Variants in ELF4 observed in about 807,000 individuals in gnomAD.
ELF4 encodes the protein ETS-related transcription factor Elf-4.
A neutral mutation model predicts 31.7 loss-of-function variants in ELF4; 10 were observed. The observed-to-expected ratio is 0.32, with a 90% CI of 0.19 to 0.54. ELF4 has a LOEUF of 0.54. Among genes scored for constraint, ELF4 ranks in the 20% least tolerant of loss-of-function variants. The pLI, the probability that ELF4 is intolerant of heterozygous loss-of-function variation, is 0.95. For missense variants in ELF4, 418 were observed against 522.0 expected (o/e 0.80, Z 1.94); for synonymous variants, 208 against 226.7 (o/e 0.92, Z 0.74).
At chrX:130,078,097 G>C (rs1932850331) in intron 2 of ELF4, among the ~76,000 whole-genome samples, 2 of 89,422 alleles carry the variant, frequency 2.2e-5, no homozygotes, top group Admixed American at 1.3e-4. Context: ...GCCCAGGGTG[G>C]AGTGCAATGG....
chrX:130,066,946 G>A lies in ELF4; in HGVS notation c.1767C>T (p.His589=), dbSNP rs1932686929. The change falls in exon 9 of 9, where the codon CAC becomes CAT. Residue 589 remains histidine (H), a synonymous_variant. Transcript: ENST00000308167. ...TCTGGTTGCCCAGAAGGCTCGGATT[G>A]TGGGAACCCCTGGAAACCACCTGGG... ...LPTQVVSRGS[H]NPSLLGNQTL... The A allele has an allele frequency of 2.5e-6, 3 of 1,212,245 alleles. No homozygotes were observed. The highest frequency in any genetic ancestry group is 3.5e-5 in the South Asian group (2 of 57,046).
intron 1 of ELF4, among the ~76,000 whole-genome samples, chrX:130,096,619 T>C (rs774041393): frequency 8.9e-6 from 1 of 112,202 alleles, no homozygotes; most frequent in East Asian, 2.8e-4. Context: ...TAACTATATC[T>C]AATAAAGCAG....
intron 5 of ELF4, 61 bp downstream of exon 5, chrX:130,072,165 G>GCC: frequency 8.2e-6 from 9 of 1,097,863 alleles, no homozygotes; most frequent in Non-Finnish European, 1.0e-5. Flanking sequence ...AGCCCTGACC[G>GCC]CCCCCCCACG....
At chrX:130,067,630 T>C in intron 8 of ELF4, 105 bp from the exon 9 acceptor site, 1 of 879,232 alleles carries the variant, frequency 1.1e-6, no homozygotes, top group Non-Finnish European at 1.6e-6. Context: ...TGTCGATTTA[T>C]TTGCTGTTTG....
chrX:130,074,293 C>G (rs947470886), intron 3 of ELF4, 152 bp from the exon 4 acceptor site: 4 of 665,360 alleles, frequency 6.0e-6, no homozygotes, highest in African/African-American at 2.2e-5. Context: ...GAGGGAGAAA[C>G]AGGGGACCCT....
intron 1 of ELF4, among the ~76,000 whole-genome samples, chrX:130,084,237 T>C (rs1371154066): frequency 6.2e-5 from 7 of 112,151 alleles, no homozygotes; most frequent in Non-Finnish European, 5.6e-5. Flanking sequence ...TCAGCTGCCT[T>C]CGTGAGAATG....
chrX:130,091,159 G>A (rs181652300), intron 1 of ELF4, among the ~76,000 whole-genome samples: 1 of 111,985 alleles, frequency 8.9e-6, no homozygotes, highest in East Asian at 2.8e-4. Context: ...AGACACAGTG[G>A]CTCACTCCTA....
chrX:130,099,299 C>T (rs1316671813), intron 1 of ELF4, among the ~76,000 whole-genome samples: 1 of 112,176 alleles, frequency 8.9e-6, no homozygotes, highest in African/African-American at 3.2e-5. Flanking sequence ...GCCAGCCAGG[C>T]GCAGGGGCTC....
chrX:130,068,851 C>A (rs1008498422), intron 8 of ELF4, among the ~76,000 whole-genome samples: 1 of 112,635 alleles, frequency 8.9e-6, no homozygotes, highest in African/African-American at 3.2e-5. Context: ...TCTTGACCAA[C>A]AAGTGCCCTA....
At chrX:130,094,492 C>T (rs781497144) in intron 1 of ELF4, among the ~76,000 whole-genome samples, 3 of 101,714 alleles carry the variant, frequency 2.9e-5, no homozygotes, top group African/African-American at 1.1e-4. Context: ...GCTTGAAACC[C>T]GGAGGCAGAG....
At chrX:130,105,854 CTGTGTGTGTGTGTGTGTGTGTGTG>C (rs60216838) in intron 1 of ELF4, among the ~76,000 whole-genome samples, 1 of 86,486 alleles carries the variant, frequency 1.2e-5, no homozygotes, top group Admixed American at 1.3e-4. Flanking sequence ...CCCCAGGGGC[CTGTGTGTGTGTGTGTGTGTGTGTG>C]TGTGTGTGTG....
At chrX:130,070,921 C>T (rs1932781874) in intron 7 of ELF4, 119 bp downstream of exon 7, 3 of 1,033,518 alleles carry the variant, frequency 2.9e-6, no homozygotes, top group Non-Finnish European at 4.0e-6. Context: ...AGGAAAGTTA[C>T]GAGACTCGTT....
intron 3 of ELF4, 45 bp downstream of exon 3, chrX:130,074,536 G>A (rs750955351): frequency 8.3e-7 from 1 of 1,208,879 alleles, no homozygotes; most frequent in South Asian, 1.8e-5. Context: ...TAAAGACACA[G>A]CCCCTTTTTC....
chrX:130,084,147 G>T (rs1932928788), intron 1 of ELF4, among the ~76,000 whole-genome samples: 1 of 112,417 alleles, frequency 8.9e-6, no homozygotes, highest in Non-Finnish European at 1.9e-5. Context: ...GTGCACGAGA[G>T]CCTCTGTGTG....
chrX:130,072,231 T>G lies in ELF4; in HGVS notation c.527A>C (p.Lys176Thr). 1 of 1,207,279 alleles carries G rather than the reference T, an allele frequency of 8.3e-7. No individual in the cohort carries two copies. The highest frequency in any genetic ancestry group is 1.1e-6 in the Non-Finnish European group (1 of 893,029). ...ESAKKTGKSK[K>T]RIRKTKGNRS... ...ACTCACTCTCCCCCACTTACTTCTC[T>G]TCTTTGATTTCCCAGTCTTCTTGGC... The change falls in exon 5 of 9, where the codon AAG (lysine) becomes ACG (threonine). Residue 176 changes from lysine (K) to threonine (T), a missense_variant. Physicochemically the swap from Lys to Thr is moderately conservative, Grantham distance 78. Around this residue, in one of 4 missense-constraint regions of ELF4, gnomAD observed 88 missense variants for 92.4 expected, o/e 0.95. Coordinates refer to ENST00000308167, the MANE Select transcript of ELF4 (RefSeq NM_001421.4).
intron 1 of ELF4, among the ~76,000 whole-genome samples, chrX:130,095,858 T>C (rs1356455386): frequency 8.9e-6 from 1 of 111,954 alleles, no homozygotes; most frequent in Non-Finnish European, 1.9e-5. Flanking sequence ...TCTGGGCTCT[T>C]ATCTTGGGGT....
chrX:130,070,427 T>A (rs1222189602), intron 7 of ELF4, among the ~76,000 whole-genome samples: 2 of 109,526 alleles, frequency 1.8e-5, no homozygotes, highest in Non-Finnish European at 3.8e-5. Flanking sequence ...ACAAAAAAAT[T>A]AGCCGGGCGT....
intron 1 of ELF4, among the ~76,000 whole-genome samples, chrX:130,084,760 A>G (rs1932936979): frequency 8.9e-6 from 1 of 111,916 alleles, no homozygotes; most frequent in Admixed American, 9.4e-5. Flanking sequence ...ATGTTTGAGG[A>G]TTTGAAAGTG....
At position 130,071,416 on chromosome X, in the gene ELF4, C is replaced by T. The variant is rs1409613728; in HGVS notation, c.536G>A (p.Arg179Gln). Residue 179 changes from arginine to glutamine, a missense_variant, in exon 6 of 9, where the codon CGG becomes CAG. Transcript: ENST00000308167. The part of the protein sequence containing the change: ...KKTGKSKKRI[R>Q]KTKGNRSTSP... ...GGTACTTCGGTTGCCCTTGGTCTTC[C>T]GGACTATGAGGGAAAGGTGAGTAGG... 4.1e-6 allele frequency: 5 copies of T among 1,210,965 alleles called. No homozygotes were observed. In the East Asian group the frequency reaches 8.9e-5, roughly 21 times the overall value.
Sources: allele counts gnomAD v4.1 joint callset (sites outside exome capture counted in the v4.1 genomes callset), GRCh38; gene constraint gnomAD v4.1.1; regional missense constraint gnomAD v4.1.1; transcripts MANE v1.5; gene names NCBI Gene and HGNC (gene_info 2026-07-23, HGNC 2026-07-21).